The following CBFA2T2 variants were observed in gnomAD, a reference collection of about 807,000 sequenced individuals.
CBFA2T2 encodes protein CBFA2T2.
Under a neutral mutation model 62.2 loss-of-function variants are expected in CBFA2T2, and 11 were observed. The ratio of observed to expected loss-of-function variants is 0.18; its 90% CI spans 0.11 to 0.29. CBFA2T2 has a LOEUF of 0.29. Ranked by LOEUF, CBFA2T2 falls within the 10% of genes least tolerant of loss-of-function variation. The probability of loss-of-function intolerance (pLI) is 1.00; values close to 1 mark genes in which losing one functional copy is unlikely to be tolerated. For missense variants in CBFA2T2, 592 were observed against 774.1 expected (o/e 0.76, Z 2.79); for synonymous variants, 295 against 287.5 (o/e 1.03, Z -0.27).
At chr20:33,493,296 G>C (rs6059350) in intron 1 of CBFA2T2, among the ~76,000 whole-genome samples, 2,478 of 151,882 alleles carry the variant, frequency 0.016, 60 homozygotes, top group African/African-American at 0.057. Context: ...GGCTGGTCTC[G>C]AACGCCTGAC....
chr20:33,643,783 AT>A (rs2016939758), intron 10 of CBFA2T2, among the ~76,000 whole-genome samples: 1 of 30,052 alleles, frequency 3.3e-5, no homozygotes, highest in African/African-American at 1.9e-4. Flanking sequence ...ATATATATAT[AT>A]ATATATATAT....
At chr20:33,541,985 C>G (rs1040597159) in intron 1 of CBFA2T2, among the ~76,000 whole-genome samples, 3 of 152,110 alleles carry the variant, frequency 2.0e-5, no homozygotes, top group African/African-American at 7.2e-5. Flanking sequence ...CTGAAGTGAT[C>G]CTCCCGCCTC....
intron 6 of CBFA2T2, among the ~76,000 whole-genome samples, chr20:33,627,277 G>A (rs1450558710): frequency 1.3e-5 from 2 of 152,018 alleles, no homozygotes; most frequent in Non-Finnish European, 2.9e-5. Context: ...GGCACCTGTA[G>A]TCCCAGCTAC....
At chr20:33,495,577 A>G (rs1476528768) in intron 1 of CBFA2T2, among the ~76,000 whole-genome samples, 1 of 151,292 alleles carries the variant, frequency 6.6e-6, no homozygotes, top group Non-Finnish European at 1.5e-5. Flanking sequence ...CTGTAGTCCC[A>G]GCTACTTGGG....
At chr20:33,511,932 C>A (rs2011518050) in intron 1 of CBFA2T2, among the ~76,000 whole-genome samples, 2 of 152,168 alleles carry the variant, frequency 1.3e-5, no homozygotes, top group African/African-American at 4.8e-5. Flanking sequence ...AATCCCAGCA[C>A]TTTGGAAGGC....
At chr20:33,638,531 C>G (rs1046987222) in intron 9 of CBFA2T2, among the ~76,000 whole-genome samples, 1 of 152,102 alleles carries the variant, frequency 6.6e-6, no homozygotes, top group Non-Finnish European at 1.5e-5. Context: ...TAAGAGGCAT[C>G]TGATAAGAGA....
intron 1 of CBFA2T2, among the ~76,000 whole-genome samples, chr20:33,568,783 A>G (rs554921689): frequency 6.6e-6 from 1 of 152,288 alleles, no homozygotes; most frequent in Admixed American, 6.5e-5. Context: ...ATATGGGTCT[A>G]TGCAAAGAAG....
chr20:33,512,135 G>GC (rs767040495), intron 1 of CBFA2T2, among the ~76,000 whole-genome samples: 13 of 151,906 alleles, frequency 8.6e-5, no homozygotes, highest in Non-Finnish European at 5.9e-5. Flanking sequence ...TGAGATCTAC[G>GC]CCACTGCACT....
chr20:33,591,070 T>C (rs906186120), intron 1 of CBFA2T2, among the ~76,000 whole-genome samples: 43 of 150,088 alleles, frequency 2.9e-4, no homozygotes, highest in African/African-American at 1.1e-3. Context: ...TTCCAGCTAC[T>C]TGGGAGGCTG....
chr20:33,559,555 T>C (rs2013021599), intron 1 of CBFA2T2, among the ~76,000 whole-genome samples: 2 of 152,118 alleles, frequency 1.3e-5, no homozygotes, highest in Admixed American at 6.6e-5. Flanking sequence ...GGCATGATCT[T>C]GGCTCACTGT....
intron 8 of CBFA2T2, among the ~76,000 whole-genome samples, chr20:33,630,898 C>T (rs1324135950): frequency 6.6e-6 from 1 of 152,228 alleles, no homozygotes; most frequent in African/African-American, 2.4e-5. Context: ...TCACCTTTCC[C>T]CACCCCACCC....
At chr20:33,492,795 G>C (rs2011157848) in intron 1 of CBFA2T2, among the ~76,000 whole-genome samples, 2 of 152,124 alleles carry the variant, frequency 1.3e-5, no homozygotes, top group African/African-American at 4.8e-5. Context: ...AAAGTCATGA[G>C]CCACTTTGCC....
intron 1 of CBFA2T2, among the ~76,000 whole-genome samples, chr20:33,555,249 C>G (rs988481871): frequency 6.6e-6 from 1 of 151,850 alleles, no homozygotes; most frequent in Middle Eastern, 3.2e-3. Context: ...CCAGCTGTCT[C>G]AGCCTAATGG....
chr20:33,612,288 C>A (rs1203112829), intron 3 of CBFA2T2, among the ~76,000 whole-genome samples: 1 of 152,142 alleles, frequency 6.6e-6, no homozygotes, highest in East Asian at 1.9e-4. Context: ...TGCCAGTTCC[C>A]AATGTTTCTA....
chr20:33,645,113 G>C lies in CBFA2T2; in HGVS notation c.*467G>C, dbSNP rs1425823253. 6.2e-6 allele frequency: 1 copy of C among 162,508 alleles called. No individual in the cohort carries two copies. Among genetic ancestry groups the C allele is most frequent in the Non-Finnish European group, 1.3e-5 (1 of 74,608 alleles). 10.1% of individuals were successfully genotyped at this position (162,508 alleles called of 1,614,324 possible). On this transcript the variant is annotated 3_prime_UTR_variant, in exon 11 of 11. Transcript: ENST00000342704. The stretch of plus-strand genomic sequence containing the variant: ...TTCGGCCCCATCTCCATCCTCAGCA[G>C]ATGACACTGATTGGCCTCACGGGGA...
At chr20:33,593,335 C>CA (rs2014743848) in intron 1 of CBFA2T2, among the ~76,000 whole-genome samples, 2 of 146,060 alleles carry the variant, frequency 1.4e-5, no homozygotes, top group African/African-American at 2.5e-5. Context: ...GTCTCAAAAA[C>CA]AAAAAACAAA....
At chr20:33,542,877 T>A (rs530127802) in intron 1 of CBFA2T2, among the ~76,000 whole-genome samples, 1 of 152,162 alleles carries the variant, frequency 6.6e-6, no homozygotes, top group Non-Finnish European at 1.5e-5. Context: ...CTCCCCGTGT[T>A]GTTCAGGCTG....
At chr20:33,574,653 A>C (rs1265671174) in intron 1 of CBFA2T2, among the ~76,000 whole-genome samples, 1 of 152,192 alleles carries the variant, frequency 6.6e-6, no homozygotes, top group Non-Finnish European at 1.5e-5. Flanking sequence ...AACTCTTATA[A>C]AAAGTTGTTT....
chr20:33,511,651 A>G (rs2011514332), intron 1 of CBFA2T2, among the ~76,000 whole-genome samples: 1 of 152,236 alleles, frequency 6.6e-6, no homozygotes, highest in Admixed American at 6.5e-5. Flanking sequence ...AATAGACAAA[A>G]TGCATAAATC....
Sources: allele counts gnomAD v4.1 joint callset (sites outside exome capture counted in the v4.1 genomes callset), GRCh38; gene constraint gnomAD v4.1.1; transcripts MANE v1.5; gene names NCBI Gene and HGNC (gene_info 2026-07-23, HGNC 2026-07-21).